The following COLGALT1 variants were observed in gnomAD, a reference collection of about 807,000 sequenced individuals.
COLGALT1 encodes procollagen galactosyltransferase 1.
Under a neutral mutation model 60.8 loss-of-function variants are expected in COLGALT1, and 43 were observed. That is an observed-to-expected ratio of 0.71 (90% CI 0.55 to 0.91). The LOEUF (loss-of-function observed/expected upper bound fraction) is 0.91, where lower values mean the gene tolerates loss of function less well. Ranked by LOEUF, COLGALT1 falls within the 40% of genes least tolerant of loss-of-function variation. The pLI is 0.00. For missense variants in COLGALT1, 845 were observed against 880.0 expected (o/e 0.96, Z 0.50); for synonymous variants, 369 against 374.2 (o/e 0.99, Z 0.16).
At chr19:17,564,257 A>G (rs907231261) in intron 3 of COLGALT1, among the ~76,000 whole-genome samples, 1 of 151,492 alleles carries the variant, frequency 6.6e-6, no homozygotes, top group African/African-American at 2.4e-5. Context: ...TAAGCTTCGT[A>G]TATGTGTATG....
intron 9 of COLGALT1, 118 bp from the exon 10 acceptor site, chr19:17,579,364 C>G (rs2076364237): frequency 7.4e-7 from 1 of 1,349,158 alleles, no homozygotes; most frequent in Non-Finnish European, 1.0e-6. Context: ...CTAGGAGAGG[C>G]AGGGAGATGC....
chr19:17,557,306 T>A (rs948211591), intron 1 of COLGALT1, among the ~76,000 whole-genome samples: 3 of 150,670 alleles, frequency 2.0e-5, no homozygotes, highest in African/African-American at 7.3e-5. Flanking sequence ...TGAGATATAC[T>A]TTTTTTTTTC....
At chr19:17,556,747 G>C (rs2076214193) in intron 1 of COLGALT1, 1 of 154,376 alleles carries the variant, frequency 6.5e-6, no homozygotes, top group African/African-American at 2.4e-5. Context: ...CCCGTCTCTA[G>C]AAAAAAAATA....
At chr19:17,561,652 A>C (rs1234543592) in intron 3 of COLGALT1, among the ~76,000 whole-genome samples, 2 of 150,974 alleles carry the variant, frequency 1.3e-5, no homozygotes, top group South Asian at 2.1e-4. Flanking sequence ...AAAAAAAAAA[A>C]AAAACAGACT....
In COLGALT1 at chr19:17,582,395, T is replaced by A. The variant is rs1253598948; in HGVS notation, c.*951T>A. The A allele has an allele frequency of 6.6e-6, 1 of 152,128 alleles. No homozygotes were observed. Among genetic ancestry groups the A allele is most frequent in the Non-Finnish European group, 1.5e-5 (1 of 68,028 alleles). The allele number at this position is 152,128 out of a possible 1,614,324, so 9.4% of individuals were successfully genotyped here. On this transcript the variant is annotated 3_prime_UTR_variant, in exon 12 of 12. Coordinates refer to ENST00000252599, the MANE Select transcript of COLGALT1 (RefSeq NM_024656.4). ...GGGAATGGGAGTAAACAAGGTACTT[T>A]TTACTTTTTTCTTTTTTTCCTCACT...
At chr19:17,558,322 G>A (rs1339046811) in intron 1 of COLGALT1, among the ~76,000 whole-genome samples, 5 of 149,148 alleles carry the variant, frequency 3.4e-5, no homozygotes, top group Non-Finnish European at 5.9e-5. Flanking sequence ...TGATACACCC[G>A]CCTCGGCCTC....
intron 4 of COLGALT1, 31 bp downstream of exon 4, chr19:17,567,571 T>A: frequency 6.2e-7 from 1 of 1,604,242 alleles, no homozygotes; most frequent in Non-Finnish European, 8.5e-7. Context: ...CTGTGGGGAC[T>A]GGGCTGAGCA....
rs376743739 is a variant in COLGALT1 at position 17,567,507 on chromosome 19, G to A, written c.591G>A (p.Ala197=). Residue 197 remains alanine, a synonymous_variant, in exon 4 of 12, where the codon GCG becomes GCA. Coordinates refer to ENST00000252599, the MANE Select transcript of COLGALT1 (RefSeq NM_024656.4). The part of the protein sequence containing the change: ...VVAPMLDSRA[A]YSNFWCGMTS... ...CCCCCATGCTGGATTCCCGGGCTGC[G>A]TACTCCAACTTCTGGTGTGGAATGA... The A allele has an allele frequency of 3.2e-5, 52 of 1,613,660 alleles. No individual in the cohort carries two copies. The highest frequency in any genetic ancestry group is 3.8e-5 in the Non-Finnish European group (45 of 1,179,882).
At chr19:17,559,603 A>T (rs1006754767) in intron 2 of COLGALT1, among the ~76,000 whole-genome samples, 182 bp downstream of exon 2, 2 of 152,118 alleles carry the variant, frequency 1.3e-5, no homozygotes, top group African/African-American at 4.8e-5. Context: ...TCCTCTTCTC[A>T]GACCTTTGCC....
In COLGALT1 at chr19:17,555,991, TC is replaced by T; in HGVS notation, c.260+22del. On this transcript the variant is annotated intron_variant, in intron 1 of 11. Transcript: ENST00000252599. The stretch of plus-strand genomic sequence containing the variant: ...GCGCTATGGTGAGTCGAGCCCGCTG[TC>T]CCCATCAGGCGGGTCACGCGAGCCC... 1 of 1,309,368 alleles carries T rather than the reference TC, an allele frequency of 7.6e-7. No individual in the cohort carries two copies. The highest frequency in any genetic ancestry group is 9.7e-7 in the Non-Finnish European group (1 of 1,026,278). 81.1% of individuals were successfully genotyped at this position (1,309,368 alleles called of 1,614,324 possible).
At chr19:17,559,785 C>G (rs1472652856) in intron 2 of COLGALT1, among the ~76,000 whole-genome samples, 2 of 151,946 alleles carry the variant, frequency 1.3e-5, no homozygotes, top group Non-Finnish European at 2.9e-5. Context: ...CAGTTCCTTT[C>G]TGGGTTTTTG....
Position 17,579,490 on chromosome 19 carries a change from C to T in COLGALT1, c.1275C>T (p.Asp425=), listed in dbSNP as rs150637824. The change falls in exon 10 of 12, where the codon GAC becomes GAT. Residue 425 remains aspartate (D), a synonymous_variant. Coordinates refer to ENST00000252599, the MANE Select transcript of COLGALT1 (RefSeq NM_024656.4). ...SHYNIWKEVV[D]RGLQKSLVFE... is the part of the protein sequence containing the mutation. ...GGGGCTTCCTCCCTCAGGTGGTGGA[C>T]CGGGGGCTGCAGAAATCGCTTGTGT... 4.4e-5 allele frequency: 71 copies of T among 1,613,982 alleles called. No homozygotes were observed. The highest frequency in any genetic ancestry group is 3.3e-4 in the Middle Eastern group (2 of 6,060).
chr19:17,581,219 C>T lies in COLGALT1; in HGVS notation c.1644C>T (p.Ala548=), dbSNP rs1193830499. 2 of 1,609,434 alleles carry T rather than the reference C, an allele frequency of 1.2e-6. No homozygotes were observed. The highest frequency in any genetic ancestry group is 2.2e-5 in the South Asian group (2 of 91,012). ...ACTTCTCCCTCCGCAACCTGCATGC[C>T]TTCTCTGTGGAGCCGCTGCTCATCT... ...KAHFSLRNLH[A]FSVEPLLIYP... is the part of the protein sequence containing the mutation. Residue 548 remains alanine, a synonymous_variant, in exon 12 of 12, where the codon GCC becomes GCT. Coordinates refer to ENST00000252599, the MANE Select transcript of COLGALT1 (RefSeq NM_024656.4).
chr19:17,577,003 T>TGAGAGGCCGGACTGGGGGCGGGGTGAAGC, intron 6 of COLGALT1, 192 bp from the exon 7 acceptor site: 1 of 587,596 alleles, frequency 1.7e-6, no homozygotes, highest in Non-Finnish European at 3.0e-6. Context: ...TGGCCAGGGC[T>TGAGAGGCCGGACTGGGGGCGGGGTGAAGC]TTGGGCTGCT....
chr19:17,579,891 C>A (rs1221921209), intron 10 of COLGALT1: 5 of 427,770 alleles, frequency 1.2e-5, no homozygotes, highest in Non-Finnish European at 2.2e-5. Context: ...CGTGGCCAAC[C>A]CTTGGAAGCG....
At chr19:17,562,254 C>T (rs914237200) in intron 3 of COLGALT1, among the ~76,000 whole-genome samples, 2 of 152,120 alleles carry the variant, frequency 1.3e-5, no homozygotes, top group Non-Finnish European at 2.9e-5. Context: ...GCAGTGGTGG[C>T]TAGAGGTCCA....
At chr19:17,567,853 G>A (rs2076288851) in intron 4 of COLGALT1, among the ~76,000 whole-genome samples, 1 of 152,066 alleles carries the variant, frequency 6.6e-6, no homozygotes. Context: ...GGAGGCTGAA[G>A]CATGAGAATC....
At chr19:17,569,354 T>C (rs1292708157) in intron 5 of COLGALT1, among the ~76,000 whole-genome samples, 2 of 152,164 alleles carry the variant, frequency 1.3e-5, no homozygotes. Context: ...CCAAATAATA[T>C]ACATTGAACC....
At chr19:17,563,258 T>G (rs913618383) in intron 3 of COLGALT1, among the ~76,000 whole-genome samples, 22 of 149,616 alleles carry the variant, frequency 1.5e-4, no homozygotes, top group African/African-American at 4.7e-4. Flanking sequence ...TGGCGCGATC[T>G]TGGCTCACTG....
Sources: gnomAD v4.1 joint callset for allele counts (sites outside exome capture counted in the v4.1 genomes callset) on GRCh38, gnomAD v4.1.1 for gene constraint, MANE v1.5 for transcripts, NCBI Gene and HGNC (gene_info 2026-07-23, HGNC 2026-07-21) for gene names.